Variants in KHDRBS2 observed in about 807,000 individuals in gnomAD.
KHDRBS2 encodes the protein KH domain-containing, RNA-binding, signal transduction-associated protein 2.
In KHDRBS2, 26 loss-of-function variants were observed where a neutral mutation model predicts 44.3. The observed-to-expected ratio is 0.59, with a 90% confidence interval of 0.43 to 0.81. The LOEUF is 0.81. Ranked by LOEUF, KHDRBS2 falls within the 40% of genes least tolerant of loss-of-function variation. The probability of loss-of-function intolerance (pLI) is 0.00; values close to 1 mark genes in which losing one functional copy is unlikely to be tolerated. For synonymous variants in KHDRBS2, 194 were observed against 151.1 expected (o/e 1.28, Z -2.08); for missense variants, 476 against 433.1 (o/e 1.10, Z -0.88).
chr6:61,824,371 GCT>G (rs374643869), intron 6 of KHDRBS2, among the ~76,000 whole-genome samples: 5 of 151,122 alleles, frequency 3.3e-5, no homozygotes, highest in African/African-American at 4.8e-5. Context: ...CCCCCTTCAT[GCT>G]CTCTCTCTCT....
chr6:61,668,701 C>T, the KHDRBS2 span, among the ~76,000 whole-genome samples: 1 of 151,026 alleles, frequency 6.6e-6, no homozygotes, highest in African/African-American at 2.4e-5. Flanking sequence ...TTAATCCCAG[C>T]ACTTCTAATG....
intron 6 of KHDRBS2, among the ~76,000 whole-genome samples, chr6:61,750,090 C>T (rs1417535411): frequency 6.6e-6 from 1 of 152,054 alleles, no homozygotes; most frequent in Non-Finnish European, 1.5e-5. Flanking sequence ...TCAGATATAT[C>T]TTACATGTTA....
At chr6:62,129,999 C>T (rs377122102) in intron 2 of KHDRBS2, among the ~76,000 whole-genome samples, 17 of 152,216 alleles carry the variant, frequency 1.1e-4, no homozygotes, top group South Asian at 6.2e-4. Flanking sequence ...CTACTGGACA[C>T]GTATTTGTGC....
chr6:62,021,670 T>C (rs1782340084), intron 3 of KHDRBS2, among the ~76,000 whole-genome samples: 1 of 151,722 alleles, frequency 6.6e-6, no homozygotes, highest in African/African-American at 2.4e-5. Context: ...TAAGATAAAA[T>C]GTGTCACTCT....
At chr6:61,640,013 G>A in the KHDRBS2 span, among the ~76,000 whole-genome samples, 1 of 151,964 alleles carries the variant, frequency 6.6e-6, no homozygotes, top group South Asian at 2.1e-4. Flanking sequence ...AACTGTAAAT[G>A]GGCATTTTTG....
chr6:61,556,235 A>C, the KHDRBS2 span, among the ~76,000 whole-genome samples: 1 of 152,194 alleles, frequency 6.6e-6, no homozygotes, highest in Non-Finnish European at 1.5e-5. Context: ...TGATAGCAGC[A>C]TCGGGCAGGG....
intron 6 of KHDRBS2, among the ~76,000 whole-genome samples, chr6:61,756,723 T>C (rs766060268): frequency 7.2e-5 from 11 of 152,244 alleles, no homozygotes; most frequent in Non-Finnish European, 1.6e-4. Flanking sequence ...ACAGACATTT[T>C]TCAAGTGTAC....
chr6:62,083,246 T>C (rs1797754190), intron 2 of KHDRBS2, among the ~76,000 whole-genome samples: 1 of 151,926 alleles, frequency 6.6e-6, no homozygotes, highest in African/African-American at 2.4e-5. Context: ...GCAGCTTGAC[T>C]CCAGAGGGAT....
chr6:61,817,281 T>C (rs17254473), intron 6 of KHDRBS2, among the ~76,000 whole-genome samples: 50,780 of 151,932 alleles, frequency 0.33, 8,898 homozygotes, highest in African/African-American at 0.44. Context: ...TTTATGATTT[T>C]CTTGTGTCCA....
chr6:61,649,964 G>C, the KHDRBS2 span, among the ~76,000 whole-genome samples: 1 of 152,074 alleles, frequency 6.6e-6, no homozygotes, highest in Non-Finnish European at 1.5e-5. Flanking sequence ...GTTCCACCCT[G>C]AGAATATGCA....
intron 3 of KHDRBS2, among the ~76,000 whole-genome samples, chr6:61,992,473 T>C (rs977145070): frequency 2.3e-4 from 35 of 152,160 alleles, no homozygotes; most frequent in African/African-American, 8.2e-4. Context: ...TTCCATGTAA[T>C]ATCTTCTAAA....
chr6:61,562,091 A>T, the KHDRBS2 span, among the ~76,000 whole-genome samples: 1 of 152,226 alleles, frequency 6.6e-6, no homozygotes, highest in East Asian at 1.9e-4. Flanking sequence ...AAATTCTGAC[A>T]ACATAATTTG....
At chr6:61,670,509 T>A in the KHDRBS2 span, among the ~76,000 whole-genome samples, 6 of 151,640 alleles carry the variant, frequency 4.0e-5, no homozygotes, top group South Asian at 1.2e-3. Flanking sequence ...AAAGACACAG[T>A]TTAAAAATTC....
chr6:61,988,172 A>T (rs576659630), intron 3 of KHDRBS2, among the ~76,000 whole-genome samples: 1 of 152,308 alleles, frequency 6.6e-6, no homozygotes, highest in South Asian at 2.1e-4. Context: ...AGGATGGTTA[A>T]TTCCTCAAAT....
chr6:61,703,861 T>C (rs1352753858), intron 7 of KHDRBS2, among the ~76,000 whole-genome samples: 1 of 151,842 alleles, frequency 6.6e-6, no homozygotes, highest in Non-Finnish European at 1.5e-5. Flanking sequence ...TCCATCCACA[T>C]CTCAGTACTG....
chr6:61,951,879 C>T (rs577839913), intron 4 of KHDRBS2, among the ~76,000 whole-genome samples: 1 of 150,210 alleles, frequency 6.7e-6, no homozygotes, highest in Non-Finnish European at 1.5e-5. Flanking sequence ...TCAAAGGACA[C>T]ATTAGAGAGG....
intron 1 of KHDRBS2, among the ~76,000 whole-genome samples, chr6:62,264,721 C>CT (rs1357116972): frequency 6.6e-6 from 1 of 151,664 alleles, no homozygotes; most frequent in Non-Finnish European, 1.5e-5. Flanking sequence ...GACTGCCTTT[C>CT]TTTTTTTCTG....
intron 7 of KHDRBS2, among the ~76,000 whole-genome samples, chr6:61,710,951 A>G (rs1770413797): frequency 6.7e-6 from 1 of 148,930 alleles, no homozygotes; most frequent in African/African-American, 2.5e-5. Flanking sequence ...AGGGGCTCAG[A>G]AATCTGGAGT....
At chr6:61,575,122 T>C in the KHDRBS2 span, among the ~76,000 whole-genome samples, 1 of 152,124 alleles carries the variant, frequency 6.6e-6, no homozygotes, top group African/African-American at 2.4e-5. Flanking sequence ...TGGCACCTAA[T>C]TAAACTAAAA....
Sources: gnomAD v4.1 joint callset for allele counts (sites outside exome capture counted in the v4.1 genomes callset) on GRCh38, gnomAD v4.1.1 for gene constraint, MANE v1.5 for transcripts, NCBI Gene and HGNC (gene_info 2026-07-23, HGNC 2026-07-21) for gene names.